Variants in CDH20 observed in about 807,000 individuals in gnomAD.
CDH20 encodes cadherin-20.
CDH20 carries 29 observed loss-of-function variants against 74.2 expected under a neutral mutation model. The ratio of observed to expected loss-of-function variants is 0.39; its 90% CI spans 0.29 to 0.53. The LOEUF (loss-of-function observed/expected upper bound fraction) is 0.53, where lower values mean the gene tolerates loss of function less well. CDH20 is among the 20% of genes least tolerant of loss of function. The pLI is 0.69. For missense variants in CDH20, 988 were observed against 1,048.3 expected (o/e 0.94, Z 0.79); for synonymous variants, 469 against 405.4 (o/e 1.16, Z -1.88).
At chr18:61,493,959 CCACA>C (rs967962966) in intron 2 of CDH20, among the ~76,000 whole-genome samples, 2 of 152,148 alleles carry the variant, frequency 1.3e-5, no homozygotes, top group Admixed American at 6.5e-5. Flanking sequence ...ACAGAACTGG[CCACA>C]CACAAAGAGT....
At chr18:61,384,558 C>T (rs192127895) in intron 1 of CDH20, among the ~76,000 whole-genome samples, 67 of 152,258 alleles carry the variant, frequency 4.4e-4, no homozygotes, top group African/African-American at 1.5e-3. Context: ...GATTGGCTGT[C>T]ATTGTCTTTC....
At chr18:61,486,029 C>T (rs113988771) in intron 1 of CDH20, among the ~76,000 whole-genome samples, 235 of 152,102 alleles carry the variant, frequency 1.5e-3, no homozygotes, top group African/African-American at 5.2e-3. Flanking sequence ...GCTGAGACTG[C>T]GCCACTGCAG....
chr18:61,399,645 C>G (rs1201275476), intron 1 of CDH20, among the ~76,000 whole-genome samples: 3 of 152,154 alleles, frequency 2.0e-5, no homozygotes, highest in African/African-American at 7.2e-5. Flanking sequence ...CAATGCCTCT[C>G]TCCACCCCTG....
chr18:61,468,739 T>C (rs1261578970), intron 1 of CDH20, among the ~76,000 whole-genome samples: 3 of 152,324 alleles, frequency 2.0e-5, no homozygotes, highest in Middle Eastern at 3.4e-3. Context: ...CCATGACCTG[T>C]GGGGGCCCCA....
intron 1 of CDH20, among the ~76,000 whole-genome samples, chr18:61,464,031 G>A (rs1298657781): frequency 6.6e-6 from 1 of 151,966 alleles, no homozygotes; most frequent in African/African-American, 2.4e-5. Context: ...CAGATATTAG[G>A]GATTCAATAA....
At chr18:61,536,329 C>T (rs1047677133) in intron 7 of CDH20, among the ~76,000 whole-genome samples, 164 bp from the exon 8 acceptor site, 1 of 152,098 alleles carries the variant, frequency 6.6e-6, no homozygotes, top group Non-Finnish European at 1.5e-5. Context: ...GAGGAGGTGA[C>T]TTTTGTTTCT....
At chr18:61,388,828 T>C (rs1911680774) in intron 1 of CDH20, among the ~76,000 whole-genome samples, 1 of 152,212 alleles carries the variant, frequency 6.6e-6, no homozygotes, top group Non-Finnish European at 1.5e-5. Context: ...CTTTCATCTC[T>C]GCTCCTCCAT....
At chr18:61,421,450 A>G (rs17068297) in intron 1 of CDH20, among the ~76,000 whole-genome samples, 2,434 of 152,258 alleles carry the variant, frequency 0.016, 57 homozygotes, top group African/African-American at 0.056. Context: ...TAAATCTCTG[A>G]GTCTCTGGCA....
chr18:61,457,516 T>A (rs1359904101), intron 1 of CDH20, among the ~76,000 whole-genome samples: 2 of 152,108 alleles, frequency 1.3e-5, no homozygotes. Flanking sequence ...TTAACCACCA[T>A]GAATATGACT....
chr18:61,550,809 T>C (rs546396131), intron 11 of CDH20, among the ~76,000 whole-genome samples: 127 of 152,254 alleles, frequency 8.3e-4, no homozygotes, highest in African/African-American at 2.6e-3. Context: ...GGTATCCTGG[T>C]TGGAAAAGTG....
intron 1 of CDH20, among the ~76,000 whole-genome samples, chr18:61,409,877 T>C (rs541305450): frequency 2.0e-4 from 31 of 152,198 alleles, no homozygotes; most frequent in African/African-American, 6.3e-4. Context: ...CACCAACCTG[T>C]TGCCTATGAC....
chr18:61,362,752 T>C (rs1198076835), intron 1 of CDH20, among the ~76,000 whole-genome samples: 2 of 152,110 alleles, frequency 1.3e-5, no homozygotes, highest in African/African-American at 2.4e-5. Flanking sequence ...GTAGACTTAG[T>C]ATGACTAACT....
At chr18:61,375,985 C>A (rs578008235) in intron 1 of CDH20, among the ~76,000 whole-genome samples, 22 of 152,180 alleles carry the variant, frequency 1.4e-4, no homozygotes, top group African/African-American at 4.3e-4. Context: ...TAATTATCAA[C>A]ATTTAAAATA....
At chr18:61,502,689 A>ACCT (rs1911426051) in intron 4 of CDH20, among the ~76,000 whole-genome samples, 2 of 152,090 alleles carry the variant, frequency 1.3e-5, no homozygotes, top group African/African-American at 4.8e-5. Flanking sequence ...CATTGCTGCC[A>ACCT]CCTCCTGTTC....
intron 5 of CDH20, among the ~76,000 whole-genome samples, chr18:61,504,186 T>G (rs747872379): frequency 3.9e-5 from 6 of 152,148 alleles, no homozygotes; most frequent in Non-Finnish European, 7.3e-5. Context: ...GAAAGGCTAA[T>G]TTGGTAGCCA....
intron 1 of CDH20, among the ~76,000 whole-genome samples, chr18:61,439,545 A>G (rs1261792324): frequency 6.6e-6 from 1 of 152,180 alleles, no homozygotes; most frequent in Non-Finnish European, 1.5e-5. Flanking sequence ...TGTACAAGGT[A>G]AAGTCCTACA....
At chr18:61,355,483 G>A (rs1910469531) in intron 1 of CDH20, among the ~76,000 whole-genome samples, 1 of 152,192 alleles carries the variant, frequency 6.6e-6, no homozygotes, top group Non-Finnish European at 1.5e-5. Context: ...AACACATGTA[G>A]CCAAGTATAC....
chr18:61,387,355 C>T (rs1368329137), intron 1 of CDH20, among the ~76,000 whole-genome samples: 1 of 152,102 alleles, frequency 6.6e-6, no homozygotes, highest in Non-Finnish European at 1.5e-5. Flanking sequence ...GGTCTGAACT[C>T]AAAGTTGCAG....
chr18:61,425,525 T>G (rs1231149792), intron 1 of CDH20, among the ~76,000 whole-genome samples: 1 of 152,186 alleles, frequency 6.6e-6, no homozygotes, highest in African/African-American at 2.4e-5. Context: ...CCCAACTCAC[T>G]GCAGCATTAA....
Sources: allele counts gnomAD v4.1 joint callset (sites outside exome capture counted in the v4.1 genomes callset), GRCh38; gene constraint gnomAD v4.1.1; transcripts MANE v1.5; gene names NCBI Gene and HGNC (gene_info 2026-07-23, HGNC 2026-07-21).